PDE10A: variants seen among roughly 807,000 people sequenced by gnomAD.
PDE10A encodes the protein phosphodiesterase 10A, also known as cAMP and cAMP-inhibited cGMP 3',5'-cyclic phosphodiesterase 10A.
In PDE10A, 39 loss-of-function variants were observed where a neutral mutation model predicts 97.7. That is an observed-to-expected ratio of 0.40 (90% CI 0.31 to 0.52). PDE10A has a LOEUF of 0.52. PDE10A is among the 20% of genes least tolerant of loss of function. The pLI is 0.56. For missense variants in PDE10A, 731 were observed against 1,047.8 expected, an observed-to-expected ratio of 0.70 and a Z score of 4.17; for synonymous variants, 371 against 376.8, an observed-to-expected ratio of 0.98 and a Z score of 0.18.
At chr6:165,669,206 C>A (rs28360519) in intron 1 of PDE10A, among the ~76,000 whole-genome samples, 3 of 152,014 alleles carry the variant, frequency 2.0e-5, no homozygotes, top group Admixed American at 6.5e-5. Flanking sequence ...GATGAGCGAC[C>A]TTGTTTTTTC....
intron 1 of PDE10A, among the ~76,000 whole-genome samples, chr6:165,875,531 T>C (rs1781308589): frequency 6.6e-6 from 1 of 152,176 alleles, no homozygotes; most frequent in South Asian, 2.1e-4. Context: ...TGCCTACTGA[T>C]TAACACAAGA....
chr6:165,958,504 A>G (rs1297674715), intron 1 of PDE10A, among the ~76,000 whole-genome samples: 3 of 7,614 alleles, frequency 3.9e-4, no homozygotes, highest in African/African-American at 3.1e-3. Context: ...AAGACAAGAA[A>G]GAAAGAAAGA....
intron 1 of PDE10A, among the ~76,000 whole-genome samples, chr6:165,755,876 T>C (rs1793106389): frequency 6.6e-6 from 1 of 152,158 alleles, no homozygotes; most frequent in South Asian, 2.1e-4. Flanking sequence ...AAATGTGTAT[T>C]GAGGTGTCTG....
intron 2 of PDE10A, among the ~76,000 whole-genome samples, chr6:165,525,559 A>C (rs1315879524): frequency 6.6e-6 from 1 of 152,124 alleles, no homozygotes; most frequent in African/African-American, 2.4e-5. Context: ...CCGAAGATAT[A>C]CCCTTGACCA....
chr6:165,532,890 C>T (rs1008775772), intron 2 of PDE10A, among the ~76,000 whole-genome samples: 3 of 152,266 alleles, frequency 2.0e-5, no homozygotes, highest in African/African-American at 7.2e-5. Flanking sequence ...AGTCACTGCT[C>T]TCTAAAGGCT....
chr6:165,603,765 G>A (rs1787079783), intron 1 of PDE10A, among the ~76,000 whole-genome samples: 1 of 152,216 alleles, frequency 6.6e-6, no homozygotes, highest in South Asian at 2.1e-4. Flanking sequence ...GTTCAATGAC[G>A]TATGTGTTAT....
intron 1 of PDE10A, among the ~76,000 whole-genome samples, chr6:165,577,578 C>T (rs543161085): frequency 2.9e-4 from 44 of 152,308 alleles, no homozygotes; most frequent in African/African-American, 9.9e-4. Flanking sequence ...GGGCTTTACA[C>T]CCATGGTTCT....
intron 1 of PDE10A, among the ~76,000 whole-genome samples, chr6:165,943,234 AGAAGGAAGGAAGGAAGGAAGGAAG>A (rs1192602938): frequency 0.013 from 457 of 34,012 alleles, 17 homozygotes; most frequent in East Asian, 0.064. Flanking sequence ...AAAGAAAGAA[AGAAGGAAGGAAGGAAGGAAGGAAG>A]GAAGGAAGGA....
At chr6:165,471,743 A>G (rs889658411) in intron 3 of PDE10A, among the ~76,000 whole-genome samples, 1 of 152,080 alleles carries the variant, frequency 6.6e-6, no homozygotes, top group African/African-American at 2.4e-5. Context: ...AATTCTATCA[A>G]ACCCAAGCAT....
chr6:165,582,434 CA>C (rs1408331968), intron 1 of PDE10A, among the ~76,000 whole-genome samples: 1 of 152,082 alleles, frequency 6.6e-6, no homozygotes, highest in African/African-American at 2.4e-5. Context: ...GACTGTATTT[CA>C]AATTAAGTAC....
chr6:165,492,119 T>C (rs1780262473), intron 2 of PDE10A, among the ~76,000 whole-genome samples: 1 of 152,122 alleles, frequency 6.6e-6, no homozygotes, highest in Non-Finnish European at 1.5e-5. Context: ...AGGAGATGGA[T>C]AAATTCCTGG....
chr6:165,684,397 G>A (rs1426712879), intron 1 of PDE10A, among the ~76,000 whole-genome samples: 3 of 152,158 alleles, frequency 2.0e-5, no homozygotes, highest in Non-Finnish European at 4.4e-5. Context: ...TTTGTTCATC[G>A]AATAAGTGAA....
intron 1 of PDE10A, among the ~76,000 whole-genome samples, chr6:165,867,028 G>T (rs1329872640): frequency 6.6e-6 from 1 of 151,750 alleles, no homozygotes; most frequent in Non-Finnish European, 1.5e-5. Flanking sequence ...ATACACAAAT[G>T]AGAAATAGAA....
At chr6:165,544,780 G>A (rs556866720) in intron 1 of PDE10A, among the ~76,000 whole-genome samples, 134 of 151,914 alleles carry the variant, frequency 8.8e-4, no homozygotes, top group Middle Eastern at 6.8e-3. Context: ...AAAGGAAAAT[G>A]ACTTCTTTCA....
In PDE10A at chr6:165,330,143, A is replaced by AACTATATATGT. The variant is rs1781261109; in HGVS notation, c.*2881_*2882insACATATATAGT. On this transcript the variant is annotated 3_prime_UTR_variant, in exon 22 of 22. Transcript: ENST00000539869. ...TGACCATAAAACTTGTCTATTATAA[A>AACTATATATGT]CCAACATAACCAACAAAAGTATCTG... The AACTATATATGT allele has an allele frequency of 6.6e-6, 1 of 152,234 alleles. No individual in the cohort carries two copies. The highest frequency in any genetic ancestry group is 1.5e-5 in the Non-Finnish European group (1 of 68,038). The allele number at this position is 152,234 out of a possible 1,614,324, so 9.4% of individuals were successfully genotyped here. A position where few individuals can be genotyped will look rare whatever the true frequency, so the allele number is the denominator to read the frequency against.
At chr6:165,879,872 C>T (rs530177465) in intron 1 of PDE10A, among the ~76,000 whole-genome samples, 26 of 148,166 alleles carry the variant, frequency 1.8e-4, no homozygotes, top group Admixed American at 4.1e-4. Context: ...AGGGGCCAAC[C>T]GTGTCTCCAA....
chr6:165,687,744 T>C (rs1030147220), intron 1 of PDE10A, among the ~76,000 whole-genome samples: 1 of 152,252 alleles, frequency 6.6e-6, no homozygotes, highest in African/African-American at 2.4e-5. Context: ...CAGCCGTAGA[T>C]GCAGAGGCTC....
At chr6:165,866,293 A>G (rs898384044) in intron 1 of PDE10A, among the ~76,000 whole-genome samples, 1 of 151,886 alleles carries the variant, frequency 6.6e-6, no homozygotes, top group Non-Finnish European at 1.5e-5. Flanking sequence ...AACATATATG[A>G]CCACATCTGT....
intron 1 of PDE10A, among the ~76,000 whole-genome samples, chr6:165,611,271 T>G (rs1328253916): frequency 6.6e-6 from 1 of 152,190 alleles, no homozygotes; most frequent in African/African-American, 2.4e-5. Flanking sequence ...TTCATAGCAC[T>G]TGTTACTGAA....
Sources: gnomAD v4.1 joint callset for allele counts (sites outside exome capture counted in the v4.1 genomes callset) on GRCh38, gnomAD v4.1.1 for gene constraint, MANE v1.5 for transcripts, NCBI Gene and HGNC (gene_info 2026-07-23, HGNC 2026-07-21) for gene names.